The following CFAP58 variants were observed in gnomAD, a reference collection of about 807,000 sequenced individuals.
CFAP58 encodes the protein cilia- and flagella-associated protein 58.
Under a neutral mutation model 119.5 loss-of-function variants are expected in CFAP58, and 88 were observed. The ratio of observed to expected loss-of-function variants is 0.74; its 90% CI spans 0.62 to 0.88. CFAP58 has a LOEUF of 0.88. CFAP58 is among the 40% of genes least tolerant of loss of function. The pLI is 0.00. For synonymous variants in CFAP58, 365 were observed against 366.3 expected, an observed-to-expected ratio of 1.00 and a Z score of 0.04; for missense variants, 990 against 1,021.2, an observed-to-expected ratio of 0.97 and a Z score of 0.42.
chr10:104,395,744 T>C (rs149448599), intron 11 of CFAP58, among the ~76,000 whole-genome samples: 23 of 152,316 alleles, frequency 1.5e-4, no homozygotes, highest in African/African-American at 5.5e-4. Flanking sequence ...CTAGTAACTT[T>C]GCTCCAAGAG....
intron 9 of CFAP58, among the ~76,000 whole-genome samples, chr10:104,386,685 G>A (rs2011932443): frequency 6.6e-6 from 1 of 152,048 alleles, no homozygotes; most frequent in Non-Finnish European, 1.5e-5. Flanking sequence ...TCTTCATATT[G>A]CTTATTTACT....
intron 15 of CFAP58, among the ~76,000 whole-genome samples, chr10:104,433,371 A>G (rs1001417897): frequency 6.6e-6 from 1 of 152,194 alleles, no homozygotes; most frequent in African/African-American, 2.4e-5. Context: ...TACAGGCAAG[A>G]TGCAGTTAAT....
At chr10:104,340,061 T>C in the CFAP58 span, among the ~76,000 whole-genome samples, 1 of 152,236 alleles carries the variant, frequency 6.6e-6, no homozygotes, top group South Asian at 2.1e-4. Flanking sequence ...CAGCCATGTA[T>C]ATTTATATAA....
Position 104,358,435 on chromosome 10 carries a change from G to A in CFAP58, c.104G>A (p.Ser35Asn), listed in dbSNP as rs1239176930. 2 of 1,613,930 alleles carry A rather than the reference G, an allele frequency of 1.2e-6. No individual in the cohort carries two copies. The highest frequency in any genetic ancestry group is 1.7e-6 in the Non-Finnish European group (2 of 1,180,012). The stretch of plus-strand genomic sequence containing the variant: ...CTCCATGAACTTTCTGGAGACAAAA[G>A]TTTGGAAAAATTTCGGATTGAATAT... ...GVLHELSGDKSLEKFRIEYER... is the reference protein window; with the variant it reads ...GVLHELSGDKNLEKFRIEYER... The change falls in exon 2 of 18, where the codon AGT (serine) becomes AAT (asparagine). Residue 35 changes from serine to asparagine, a missense_variant. Physicochemically the swap from Ser to Asn is conservative, Grantham distance 46. Coordinates refer to ENST00000369704, the MANE Select transcript of CFAP58 (RefSeq NM_001008723.2).
chr10:104,365,830 A>G lies in CFAP58; in HGVS notation c.614A>G (p.Gln205Arg). The change falls in exon 5 of 18, where the codon CAG becomes CGG. Residue 205 changes from glutamine to arginine, a missense_variant. Transcript: ENST00000369704. ...HAISQFQQEI[Q>R]QRQNEASREF... ...AACCTCTAGTTCCAACAAGAAATCC[A>G]GCAACGTCAGAACGAAGCTTCCCGG... The G allele has an allele frequency of 6.2e-7, 1 of 1,610,414 alleles. No homozygotes were observed. The highest frequency in any genetic ancestry group is 2.2e-5 in the East Asian group (1 of 44,796).
chr10:104,432,551 A>G (rs2012865909), intron 15 of CFAP58, among the ~76,000 whole-genome samples: 3 of 151,630 alleles, frequency 2.0e-5, no homozygotes, highest in African/African-American at 7.3e-5. Flanking sequence ...TCACCAGGCT[A>G]GAGTGCCATG....
Position 104,403,856 on chromosome 10 carries a change from G to C in CFAP58, c.2151+16G>C. 2.6e-6 allele frequency: 4 copies of C among 1,522,610 alleles called. No homozygotes were observed. Among genetic ancestry groups the C allele is most frequent in the Non-Finnish European group, 3.6e-6 (4 of 1,104,486 alleles). 94.3% of individuals were successfully genotyped at this position (1,522,610 alleles called of 1,614,324 possible). The stretch of plus-strand genomic sequence containing the variant: ...GAAGCTCGAGGTAACATCTGGCAGC[G>C]TGTTCTCCCCATCCCCAAATCTCTC... On this transcript the variant is annotated intron_variant, in intron 14 of 17. Coordinates refer to ENST00000369704, the MANE Select transcript of CFAP58 (RefSeq NM_001008723.2).
Position 104,376,751 on chromosome 10 carries a change from T to C in CFAP58, c.1091-60T>C, listed in dbSNP as rs188351033. ...AGCAGTTTTTGTATCACTTCGGCTT[T>C]TGTAGATTCTCTTAGGTCGACTCTA... is the stretch of plus-strand genomic sequence containing the variant. On this transcript the variant is annotated intron_variant, in intron 7 of 17. Transcript: ENST00000369704. The C allele has an allele frequency of 5.8e-6, 8 of 1,376,486 alleles. No individual in the cohort carries two copies. The African/African-American group carries it at 1.2e-4, about 20-fold the overall frequency. The allele number at this position is 1,376,486 out of a possible 1,614,324, so 85.3% of individuals were successfully genotyped here.
intron 15 of CFAP58, among the ~76,000 whole-genome samples, chr10:104,414,071 A>G (rs1278274024): frequency 6.6e-6 from 1 of 152,128 alleles, no homozygotes; most frequent in Non-Finnish European, 1.5e-5. Flanking sequence ...GGCCAAAGGG[A>G]GTGGTGGGGA....
At chr10:104,412,422 G>A (rs12261014) in intron 15 of CFAP58, among the ~76,000 whole-genome samples, 22,382 of 151,878 alleles carry the variant, frequency 0.15, 1,837 homozygotes, top group Middle Eastern at 0.32. Context: ...CTTATTTAGC[G>A]TTTGGAATGG....
At chr10:104,437,772 A>G (rs1004970711) in intron 15 of CFAP58, among the ~76,000 whole-genome samples, 2 of 152,222 alleles carry the variant, frequency 1.3e-5, no homozygotes, top group African/African-American at 4.8e-5. Context: ...TTTAAATATT[A>G]CTGCTAACAG....
At chr10:104,370,507 G>A (rs1005650256) in intron 6 of CFAP58, among the ~76,000 whole-genome samples, 1 of 152,150 alleles carries the variant, frequency 6.6e-6, no homozygotes, top group African/African-American at 2.4e-5. Flanking sequence ...GTGAGACTTA[G>A]TTTGTATCAG....
intron 9 of CFAP58, among the ~76,000 whole-genome samples, chr10:104,391,303 CAT>C (rs1051228459): frequency 6.6e-6 from 1 of 152,146 alleles, no homozygotes; most frequent in African/African-American, 2.4e-5. Flanking sequence ...CCTGTTTCTT[CAT>C]ATGTGTCCCC....
chr10:104,374,771 C>T (rs2014868304), intron 7 of CFAP58, among the ~76,000 whole-genome samples: 2 of 150,364 alleles, frequency 1.3e-5, no homozygotes, highest in Admixed American at 6.6e-5. Flanking sequence ...ATTAAAAATC[C>T]CCTTTGATCC....
At chr10:104,354,014 A>G in intron 1 of CFAP58, 108 bp downstream of exon 1, 2 of 1,382,106 alleles carry the variant, frequency 1.4e-6, no homozygotes, top group South Asian at 2.4e-5. Flanking sequence ...CCCCATCAAC[A>G]TCTTATTCCC....
chr10:104,370,261 T>G (rs540319551), intron 6 of CFAP58, among the ~76,000 whole-genome samples: 53 of 152,360 alleles, frequency 3.5e-4, no homozygotes, highest in African/African-American at 1.2e-3. Flanking sequence ...TCTTATTTGA[T>G]TCTACAGTTA....
At chr10:104,376,919 A>G (rs2011682702) in intron 8 of CFAP58, 26 bp downstream of exon 8, 1 of 1,548,852 alleles carries the variant, frequency 6.5e-7, no homozygotes, top group African/African-American at 1.4e-5. Context: ...TCACACTGGT[A>G]AATAAATGTC....
intron 9 of CFAP58, among the ~76,000 whole-genome samples, chr10:104,382,729 C>T (rs2011838978): frequency 6.6e-6 from 1 of 152,118 alleles, no homozygotes; most frequent in African/African-American, 2.4e-5. Flanking sequence ...TTAGAAGTTC[C>T]TCCTTCATTC....
Position 104,454,533 on chromosome 10 carries a change from T to C in CFAP58, c.*3T>C. ...GGTCAACCAAAATGACGTTCTAACC[T>C]GAAGCTGCTGGCTGTTTCCAGTTGA... On this transcript the variant is annotated 3_prime_UTR_variant, in exon 18 of 18. Transcript: ENST00000369704. 6.2e-7 allele frequency: 1 copy of C among 1,604,414 alleles called. No individual in the cohort carries two copies. Among genetic ancestry groups the C allele is most frequent in the Non-Finnish European group, 8.5e-7 (1 of 1,171,510 alleles).
Sources: allele counts gnomAD v4.1 joint callset (sites outside exome capture counted in the v4.1 genomes callset), GRCh38; gene constraint gnomAD v4.1.1; transcripts MANE v1.5; gene names NCBI Gene and HGNC (gene_info 2026-07-23, HGNC 2026-07-21).